DIP2A: variants seen among roughly 807,000 people sequenced by gnomAD.
The protein encoded by DIP2A is DIP2 acetate--CoA ligase A, also known as disco-interacting protein 2 homolog A.
Under a neutral mutation model 177.4 loss-of-function variants are expected in DIP2A, and 85 were observed. That is an observed-to-expected ratio of 0.48 (90% CI 0.40 to 0.57). DIP2A has a LOEUF of 0.57. Ranked by LOEUF, DIP2A falls within the 20% of genes least tolerant of loss-of-function variation. The pLI is 0.00. For missense variants in DIP2A, 1,791 were observed against 2,100.2 expected (o/e 0.85, Z 2.88); for synonymous variants, 886 against 881.8 (o/e 1.00, Z -0.08).
intron 6 of DIP2A, among the ~76,000 whole-genome samples, chr21:46,507,692 CTTTTTTTTT>C (rs34594717): frequency 4.6e-5 from 2 of 43,952 alleles, no homozygotes; most frequent in African/African-American, 2.1e-4. Flanking sequence ...ATTTTCTGTT[CTTTTTTTTT>C]TTTTTTTTTT....
intron 10 of DIP2A, among the ~76,000 whole-genome samples, chr21:46,532,571 A>G (rs1382353235): frequency 6.6e-6 from 1 of 152,244 alleles, no homozygotes; most frequent in African/African-American, 2.4e-5. Flanking sequence ...TTATGATTCA[A>G]TAAGATTTTG....
At chr21:46,473,973 C>A (rs184158668) in intron 1 of DIP2A, among the ~76,000 whole-genome samples, 1 of 152,224 alleles carries the variant, frequency 6.6e-6, no homozygotes, top group East Asian at 1.9e-4. Flanking sequence ...GATTGTTCTG[C>A]AGTATGTGAA....
intron 8 of DIP2A, among the ~76,000 whole-genome samples, chr21:46,512,847 T>TG (rs138264483): frequency 1.1e-4 from 17 of 151,292 alleles, no homozygotes; most frequent in Admixed American, 2.0e-4. Flanking sequence ...TTTGTAGAAA[T>TG]GGGGGGTCTC....
chr21:46,467,668 A>G (rs1179635134), intron 1 of DIP2A, among the ~76,000 whole-genome samples: 2 of 152,214 alleles, frequency 1.3e-5, no homozygotes, highest in Non-Finnish European at 2.9e-5. Context: ...AGTTACACTT[A>G]CTGACTAGTT....
chr21:46,500,088 T>A (rs2057569529), intron 5 of DIP2A, among the ~76,000 whole-genome samples: 1 of 152,188 alleles, frequency 6.6e-6, no homozygotes, highest in African/African-American at 2.4e-5. Context: ...AGCTTCTGTC[T>A]CATCATCCTC....
intron 13 of DIP2A, among the ~76,000 whole-genome samples, chr21:46,535,559 A>G (rs1257000863): frequency 6.6e-6 from 1 of 152,188 alleles, no homozygotes; most frequent in Non-Finnish European, 1.5e-5. Context: ...GTCTCTACAA[A>G]AAAAGGGAGA....
At chr21:46,516,058 G>C (rs2148658915) in intron 8 of DIP2A, among the ~76,000 whole-genome samples, 1 of 152,222 alleles carries the variant, frequency 6.6e-6, no homozygotes, top group South Asian at 2.1e-4. Context: ...CAAAGATATT[G>C]TTTATAGGCT....
chr21:46,565,588 T>C, intron 35 of DIP2A, 125 bp from the exon 36 acceptor site: 1 of 986,834 alleles, frequency 1.0e-6, no homozygotes, highest in South Asian at 1.7e-5. Flanking sequence ...AGACAATGAA[T>C]ATTATCCGCC....
At chr21:46,510,273 C>T (rs956189683) in intron 7 of DIP2A, among the ~76,000 whole-genome samples, 1 of 152,146 alleles carries the variant, frequency 6.6e-6, no homozygotes, top group African/African-American at 2.4e-5. Context: ...GTTCTTCTGC[C>T]TGCTTTATTC....
At chr21:46,565,582 A>G (rs1201742698) in intron 35 of DIP2A, 131 bp from the exon 36 acceptor site, 1 of 921,368 alleles carries the variant, frequency 1.1e-6, no homozygotes, top group Admixed American at 2.9e-5. Context: ...AATAAGAGAC[A>G]ATGAATATTA....
At chr21:46,516,726 G>T (rs9979520) in intron 8 of DIP2A, among the ~76,000 whole-genome samples, 1 of 151,894 alleles carries the variant, frequency 6.6e-6, no homozygotes, top group African/African-American at 2.4e-5. Flanking sequence ...ATCTCCTGAC[G>T]TCATGATCCA....
chr21:46,541,690 G>A lies in DIP2A; in HGVS notation c.2037-66G>A, dbSNP rs1601758412. ...GGTGCAGAATCATGCTGCAGGCAAG[G>A]TGGGCCCACCTCCCTGGAATTTCAT... On this transcript the variant is annotated intron_variant, in intron 17 of 37. Transcript: ENST00000417564. The A allele has an allele frequency of 1.9e-6, 3 of 1,598,876 alleles. No homozygotes were observed. In the Admixed American group the frequency reaches 5.0e-5, roughly 27 times the overall value.
intron 5 of DIP2A, among the ~76,000 whole-genome samples, chr21:46,501,138 A>G (rs1432302175): frequency 1.3e-5 from 2 of 152,344 alleles, no homozygotes; most frequent in East Asian, 3.9e-4. Flanking sequence ...TTTAGTTTCT[A>G]ACACTAGATG....
At chr21:46,551,979 G>A (rs1015031834) in intron 25 of DIP2A, 75 bp downstream of exon 25, 2 of 1,468,016 alleles carry the variant, frequency 1.4e-6, no homozygotes, top group African/African-American at 2.8e-5. Flanking sequence ...CTAGTTCATG[G>A]TGCCAGTGTC....
chr21:46,545,127 C>T lies in DIP2A; in HGVS notation c.2177-10C>T, dbSNP rs1470724922. The T allele has an allele frequency of 3.8e-6, 6 of 1,558,462 alleles. No homozygotes were observed. Among genetic ancestry groups the T allele is most frequent in the Admixed American group, 3.8e-5 (2 of 52,286 alleles). On this transcript the variant is annotated splice_polypyrimidine_tract_variant and intron_variant, in intron 18 of 37. Coordinates refer to ENST00000417564, the MANE Select transcript of DIP2A (RefSeq NM_015151.4). ...TTCTTGATAATTTTGAGTTTTTTTTCTCATTTTAGCTAATGTATGTGTTGT... is the reference window on the plus strand; with the variant it reads ...TTCTTGATAATTTTGAGTTTTTTTTTTCATTTTAGCTAATGTATGTGTTGT...
chr21:46,579,583 G>A, the DIP2A span, among the ~76,000 whole-genome samples: 1 of 152,034 alleles, frequency 6.6e-6, no homozygotes, highest in Non-Finnish European at 1.5e-5. Context: ...TTTTGAAGTG[G>A]GCATTTAGTG....
intron 8 of DIP2A, among the ~76,000 whole-genome samples, chr21:46,514,634 T>G (rs1352569330): frequency 2.9e-5 from 4 of 137,056 alleles, no homozygotes; most frequent in Non-Finnish European, 6.3e-5. Context: ...TTTTTTTTTT[T>G]TTTTTTGGTT....
intron 18 of DIP2A, among the ~76,000 whole-genome samples, chr21:46,542,156 T>C (rs932371376): frequency 1.5e-4 from 23 of 151,774 alleles, no homozygotes; most frequent in Non-Finnish European, 3.4e-4. Flanking sequence ...TCAGTGTAAA[T>C]TGGAATTTTA....
intron 17 of DIP2A, 149 bp from the exon 18 acceptor site, chr21:46,541,607 T>A: frequency 2.3e-6 from 2 of 876,226 alleles, no homozygotes; most frequent in Non-Finnish European, 3.5e-6. Context: ...TTTGGAGACA[T>A]TGCAGCATCT....
Sources: gnomAD v4.1 joint callset for allele counts (sites outside exome capture counted in the v4.1 genomes callset) on GRCh38, gnomAD v4.1.1 for gene constraint, MANE v1.5 for transcripts, NCBI Gene and HGNC (gene_info 2026-07-23, HGNC 2026-07-21) for gene names.